The following AHCY variants were observed in gnomAD, a reference collection of about 807,000 sequenced individuals.
The protein encoded by AHCY is adenosylhomocysteinase.
A neutral mutation model predicts 45.4 loss-of-function variants in AHCY; 24 were observed. That is an observed-to-expected ratio of 0.53 (90% CI 0.38 to 0.74). The LOEUF (loss-of-function observed/expected upper bound fraction) is 0.74, where lower values mean the gene tolerates loss of function less well. AHCY is among the 30% of genes least tolerant of loss of function. The probability of loss-of-function intolerance (pLI) is 0.00; values close to 1 mark genes in which losing one functional copy is unlikely to be tolerated. For missense variants in AHCY, 449 were observed against 594.1 expected (o/e 0.76, Z 2.54); for synonymous variants, 245 against 235.1 (o/e 1.04, Z -0.39).
At chr20:34,238,041 T>C in the AHCY span, among the ~76,000 whole-genome samples, 1 of 152,202 alleles carries the variant, frequency 6.6e-6, no homozygotes, top group Non-Finnish European at 1.5e-5. Context: ...TTGTATGTGA[T>C]GAGTCGCATC....
chr20:34,303,403 T>A, upstream of AHCY: 1 of 1,308,046 alleles, frequency 7.6e-7, no homozygotes, highest in Non-Finnish European at 1.1e-6. Flanking sequence ...CGCACTTGCA[T>A]ATTCATGACC....
At chr20:34,291,389 A>G (rs746628785) in intron 5 of AHCY, 30 bp downstream of exon 5, 1 of 1,582,570 alleles carries the variant, frequency 6.3e-7, no homozygotes, top group Non-Finnish European at 8.7e-7. Flanking sequence ...CAGCCACTGT[A>G]GCGGGAGCTG....
intron 1 of AHCY, chr20:34,302,040 G>C: frequency 2.1e-6 from 2 of 954,202 alleles, no homozygotes; most frequent in Non-Finnish European, 2.5e-6. Flanking sequence ...TTGCTCTGTT[G>C]CCCAGGTTGG....
intron 1 of AHCY, among the ~76,000 whole-genome samples, chr20:34,297,606 A>C (rs765378177): frequency 1.3e-5 from 2 of 152,014 alleles, no homozygotes; most frequent in Non-Finnish European, 2.9e-5. Flanking sequence ...AAGATATCAT[A>C]TTTATTAAGA....
the AHCY span, among the ~76,000 whole-genome samples, chr20:34,271,507 T>C: frequency 1.3e-5 from 2 of 151,912 alleles, no homozygotes; most frequent in African/African-American, 4.8e-5. Flanking sequence ...CATTTCTTCC[T>C]GAAGGGCATA....
At chr20:34,271,296 T>C in the AHCY span, among the ~76,000 whole-genome samples, 1 of 152,174 alleles carries the variant, frequency 6.6e-6, no homozygotes, top group Admixed American at 6.5e-5. Context: ...AGCATGGTCC[T>C]GGGCCTCTCA....
chr20:34,271,821 T>G, the AHCY span, among the ~76,000 whole-genome samples: 1 of 151,924 alleles, frequency 6.6e-6, no homozygotes, highest in Admixed American at 6.6e-5. Flanking sequence ...CACCTCAGCC[T>G]CCCAAAGTTC....
the AHCY span, chr20:34,246,207 G>T: frequency 7.0e-7 from 1 of 1,436,624 alleles, no homozygotes; most frequent in Non-Finnish European, 9.5e-7. Flanking sequence ...GTAAGCTTTT[G>T]TGGTATGGTC....
rs117034011 is a variant in AHCY, at chr20:34,295,858, T to C, written c.29-273A>G. Among the ~76,000 whole-genome samples, 736 of 152,248 alleles carry C rather than the reference T, an allele frequency of 4.8e-3. 4 individuals are homozygous for C. The highest frequency in any genetic ancestry group is 0.024 in the Middle Eastern group (7 of 294). On this transcript the variant is annotated intron_variant, in intron 1 of 9. Transcript: ENST00000217426. Reference sequence around the variant, plus strand: ...ATTACAACATAAAGAAGCGTCCCTTTGAAAAATAGCTCACATGATACTTCC... The same window carrying C: ...ATTACAACATAAAGAAGCGTCCCTTCGAAAAATAGCTCACATGATACTTCC...
chr20:34,253,065 C>T, the AHCY span, among the ~76,000 whole-genome samples: 1 of 152,118 alleles, frequency 6.6e-6, no homozygotes, highest in African/African-American at 2.4e-5. Context: ...TTTATGTCTT[C>T]CTTTTCTACA....
upstream of AHCY, among the ~76,000 whole-genome samples, chr20:34,305,481 G>A (rs1273604444): frequency 6.6e-6 from 1 of 152,156 alleles, no homozygotes; most frequent in Non-Finnish European, 1.5e-5. Flanking sequence ...CCTGGGAGGT[G>A]GGCAGCAGGG....
At chr20:34,302,937 C>G (rs1477861892) in intron 1 of AHCY, 5 of 985,360 alleles carry the variant, frequency 5.1e-6, no homozygotes, top group Non-Finnish European at 6.0e-6. Flanking sequence ...CAGGTGCCAG[C>G]CGTCCCAGGC....
chr20:34,283,497 A>C (rs2036070881), intron 9 of AHCY, among the ~76,000 whole-genome samples: 1 of 152,188 alleles, frequency 6.6e-6, no homozygotes, highest in Non-Finnish European at 1.5e-5. Context: ...GCATGATGCC[A>C]AGAGTGTCCT....
chr20:34,252,350 G>T, the AHCY span, among the ~76,000 whole-genome samples: 1 of 152,112 alleles, frequency 6.6e-6, no homozygotes, highest in Non-Finnish European at 1.5e-5. Context: ...GTGGGGAGAA[G>T]GTCAGCAGGG....
At position 34,296,992 on chromosome 20, in the gene AHCY, AT is replaced by A. The variant is rs1185534437; in HGVS notation, c.29-1408del. On this transcript the variant is annotated intron_variant, in intron 1 of 9. Coordinates refer to ENST00000217426, the MANE Select transcript of AHCY (RefSeq NM_000687.4). ...CCCAGCCCTCCTACCCTAGTAGGCC[AT>A]CACCAGTGATAGCTCTCCTTGGAAA... is the stretch of plus-strand genomic sequence containing the variant. Among the ~76,000 whole-genome samples the A allele has an allele frequency of 4.6e-5, 7 of 152,246 alleles. No homozygotes were observed. The East Asian group carries it at 1.3e-3, about 29-fold the overall frequency.
At chr20:34,303,574 T>A (rs2036855100), upstream of AHCY, among the ~76,000 whole-genome samples, 1 of 152,252 alleles carries the variant, frequency 6.6e-6, no homozygotes, top group South Asian at 2.1e-4. Flanking sequence ...GTCCTCTCGC[T>A]GGTTCAGCCA....
chr20:34,301,038 AGGG>A (rs2036752860), intron 1 of AHCY, among the ~76,000 whole-genome samples: 1 of 152,166 alleles, frequency 6.6e-6, no homozygotes, highest in African/African-American at 2.4e-5. Context: ...GATCCATGAG[AGGG>A]GCTGGCACGT....
chr20:34,291,627 G>C, intron 4 of AHCY, 96 bp from the exon 5 acceptor site: 1 of 1,161,588 alleles, frequency 8.6e-7, no homozygotes, highest in Non-Finnish European at 1.3e-6. Flanking sequence ...CTCTTTCTGG[G>C]TTCCCATCTC....
chr20:34,235,866 AAAGGAAGGAAGG>A, the AHCY span, among the ~76,000 whole-genome samples: 12 of 36,892 alleles, frequency 3.3e-4, 1 homozygote, highest in East Asian at 2.3e-3. Context: ...GGAAGGAAGG[AAAGGAAGGAAGG>A]AAGGAAGGAA....
Sources: gnomAD v4.1 joint callset for allele counts (sites outside exome capture counted in the v4.1 genomes callset) on GRCh38, gnomAD v4.1.1 for gene constraint, MANE v1.5 for transcripts, NCBI Gene and HGNC (gene_info 2026-07-23, HGNC 2026-07-21) for gene names.